Variants in SCARA5 observed in about 807,000 individuals in gnomAD.
The protein encoded by SCARA5 is scavenger receptor class A member 5.
Under a neutral mutation model 46.3 loss-of-function variants are expected in SCARA5, and 45 were observed. The ratio of observed to expected loss-of-function variants is 0.97; its 90% CI spans 0.76 to 1.24. SCARA5 has a LOEUF of 1.24. SCARA5 is among the 50% of genes most tolerant of loss of function. SCARA5 has a pLI of 0.00. For missense variants in SCARA5, 680 were observed against 689.0 expected, an observed-to-expected ratio of 0.99 and a Z score of 0.15; for synonymous variants, 333 against 306.5, an observed-to-expected ratio of 1.09 and a Z score of -0.90.
intron 2 of SCARA5, among the ~76,000 whole-genome samples, chr8:27,980,753 A>G (rs1265518657): frequency 6.6e-6 from 1 of 152,202 alleles, no homozygotes; most frequent in Non-Finnish European, 1.5e-5. Context: ...AGACACACAT[A>G]CGCCATAGAA....
chr8:27,907,862 G>A (rs1006087232), intron 5 of SCARA5, among the ~76,000 whole-genome samples: 3 of 152,198 alleles, frequency 2.0e-5, no homozygotes, highest in Admixed American at 1.3e-4. Context: ...GAGCCACCGC[G>A]TCCAGCCTAG....
chr8:27,902,613 A>G (rs527582156), intron 7 of SCARA5, among the ~76,000 whole-genome samples: 1 of 152,244 alleles, frequency 6.6e-6, no homozygotes, highest in South Asian at 2.1e-4. Context: ...ATCTTTCCAC[A>G]TAGTTCCTCC....
intron 3 of SCARA5, among the ~76,000 whole-genome samples, chr8:27,923,932 C>T (rs1246816453): frequency 6.6e-6 from 1 of 152,168 alleles, no homozygotes; most frequent in African/African-American, 2.4e-5. Context: ...CCAGTGATCC[C>T]CCACCCCTTC....
At chr8:27,929,569 A>G (rs1807735245) in intron 3 of SCARA5, among the ~76,000 whole-genome samples, 1 of 152,208 alleles carries the variant, frequency 6.6e-6, no homozygotes, top group African/African-American at 2.4e-5. Context: ...GGGAGCAAGT[A>G]TGCTGAATCT....
intron 8 of SCARA5, 32 bp from the exon 9 acceptor site, chr8:27,872,102 G>T (rs766384543): frequency 6.2e-7 from 1 of 1,612,686 alleles, no homozygotes; most frequent in Admixed American, 1.7e-5. Context: ...GCTATAAGCG[G>T]ATACACAGGA....
intron 8 of SCARA5, among the ~76,000 whole-genome samples, chr8:27,876,024 C>T: frequency 6.6e-6 from 1 of 152,018 alleles, no homozygotes; most frequent in Non-Finnish European, 1.5e-5. Flanking sequence ...AGAAAGATCC[C>T]CAGCAGCCAT....
rs1807278694 is a variant in SCARA5 at position 27,907,254 on chromosome 8, G to A, written c.998-8C>T. The A allele has an allele frequency of 6.2e-7, 1 of 1,602,530 alleles. No individual in the cohort carries two copies. The highest frequency in any genetic ancestry group is 8.5e-7 in the Non-Finnish European group (1 of 1,171,016). ...CTCTCTCCCCGGGCAGACCTGGGGA[G>A]AAAACAGACAAATGGCAGAGCCTCA... On this transcript the variant is annotated splice_polypyrimidine_tract_variant and splice_region_variant and intron_variant, in intron 5 of 8. Transcript: ENST00000354914.
chr8:27,954,903 G>A (rs1021417813), intron 3 of SCARA5, among the ~76,000 whole-genome samples: 24 of 152,142 alleles, frequency 1.6e-4, no homozygotes, highest in Admixed American at 1.6e-3. Flanking sequence ...CAAAGCTCTG[G>A]CAGAGAATAC....
At chr8:27,919,507 G>C (rs1722030436) in intron 4 of SCARA5, among the ~76,000 whole-genome samples, 1 of 152,062 alleles carries the variant, frequency 6.6e-6, no homozygotes, top group Non-Finnish European at 1.5e-5. Context: ...TGTCAACCTG[G>C]GTCCACCTTC....
Position 27,987,632 on chromosome 8 carries a change from T to G in SCARA5, c.-15-2A>C. On this transcript the variant is annotated splice_acceptor_variant, in intron 1 of 8. Coordinates refer to ENST00000354914, the MANE Select transcript of SCARA5 (RefSeq NM_173833.6). LOFTEE classifies it low-confidence loss of function (5UTR_SPLICE). ...GTTCTCCATCACACCCTGCAACAGC[T>G]GCAGAGAAGGCAAGAGGGGAGGAGA... is the stretch of plus-strand genomic sequence containing the variant. The G allele has an allele frequency of 6.4e-7, 1 of 1,567,682 alleles. No homozygotes were observed. Among genetic ancestry groups the G allele is most frequent in the Non-Finnish European group, 8.8e-7 (1 of 1,137,780 alleles).
chr8:27,957,003 A>G (rs1808217255), intron 3 of SCARA5, among the ~76,000 whole-genome samples: 1 of 152,084 alleles, frequency 6.6e-6, no homozygotes. Flanking sequence ...AAATGGCAAA[A>G]TCTGCCTGGT....
At chr8:27,944,708 A>AG (rs1201565998) in intron 3 of SCARA5, among the ~76,000 whole-genome samples, 5 of 150,736 alleles carry the variant, frequency 3.3e-5, no homozygotes, top group Non-Finnish European at 7.4e-5. Flanking sequence ...AAAAATAGAA[A>AG]AAAAAAAAAA....
intron 3 of SCARA5, among the ~76,000 whole-genome samples, chr8:27,944,472 C>T (rs188549934): frequency 2.2e-4 from 34 of 152,128 alleles, no homozygotes; most frequent in African/African-American, 7.7e-4. Context: ...AGCAGGTACA[C>T]GCAAATGGCA....
At chr8:27,974,563 T>C (rs1808495514) in intron 2 of SCARA5, among the ~76,000 whole-genome samples, 2 of 151,988 alleles carry the variant, frequency 1.3e-5, no homozygotes, top group African/African-American at 4.8e-5. Context: ...AAACAGCAGG[T>C]AGAGATAGCG....
At chr8:27,922,360 G>C in intron 3 of SCARA5, 115 bp from the exon 4 acceptor site, 2 of 637,204 alleles carry the variant, frequency 3.1e-6, no homozygotes, top group South Asian at 4.7e-5. Context: ...AATGATAGAC[G>C]AATAAAATCA....
intron 8 of SCARA5, among the ~76,000 whole-genome samples, chr8:27,874,751 G>C (rs1339125028): frequency 1.3e-5 from 2 of 152,180 alleles, no homozygotes; most frequent in African/African-American, 2.4e-5. Context: ...TTGTCTGCCT[G>C]TTCCCACCTA....
intron 3 of SCARA5, among the ~76,000 whole-genome samples, chr8:27,940,158 C>T (rs1183548034): frequency 6.6e-6 from 1 of 152,224 alleles, no homozygotes; most frequent in Non-Finnish European, 1.5e-5. Context: ...AAGCTCTCCC[C>T]ACTGGTGATT....
chr8:27,880,649 C>T (rs1489164911), intron 7 of SCARA5, among the ~76,000 whole-genome samples: 1 of 151,950 alleles, frequency 6.6e-6, no homozygotes, highest in Non-Finnish European at 1.5e-5. Context: ...GCTTCAAGAC[C>T]AGCCTCAGCC....
chr8:27,939,882 T>C (rs1213304376), intron 3 of SCARA5, among the ~76,000 whole-genome samples: 1 of 152,186 alleles, frequency 6.6e-6, no homozygotes, highest in African/African-American at 2.4e-5. Flanking sequence ...AGCCCCAGAC[T>C]ATCTGCCTCT....
Sources: gnomAD v4.1 joint callset for allele counts (sites outside exome capture counted in the v4.1 genomes callset) on GRCh38, gnomAD v4.1.1 for gene constraint, MANE v1.5 for transcripts, NCBI Gene and HGNC (gene_info 2026-07-23, HGNC 2026-07-21) for gene names.